The following NUP50 variants were observed in gnomAD, a reference collection of about 807,000 sequenced individuals.
NUP50 encodes the protein nucleoporin 50.
In NUP50, 14 loss-of-function variants were observed where a neutral mutation model predicts 36.8. That is an observed-to-expected ratio of 0.38 (90% CI 0.25 to 0.59). The LOEUF (loss-of-function observed/expected upper bound fraction) is 0.59, where lower values mean the gene tolerates loss of function less well. NUP50 is among the 20% of genes least tolerant of loss of function. The pLI is 0.63. For synonymous variants in NUP50, 195 were observed against 210.8 expected (o/e 0.93, Z 0.65); for missense variants, 455 against 564.6 (o/e 0.81, Z 1.97).
intron 3 of NUP50, among the ~76,000 whole-genome samples, chr22:45,173,284 T>G (rs887430892): frequency 1.2e-4 from 18 of 152,128 alleles, no homozygotes; most frequent in Admixed American, 1.2e-3. Context: ...TATTTTCAGA[T>G]GCATAATACA....
rs376546951 is a variant in NUP50, at chr22:45,184,660, G to A, written c.*5G>A. 9.7e-5 allele frequency: 156 copies of A among 1,608,320 alleles called. No individual in the cohort carries two copies. Among genetic ancestry groups the A allele is most frequent in the Non-Finnish European group, 1.2e-4 (140 of 1,177,032 alleles). Reference sequence around the variant, plus strand: ...CTGGAGAAAAAGGATGCCTGAACACGCAAAGTCGGCTGCAGAATTATTGCC... The same window carrying A: ...CTGGAGAAAAAGGATGCCTGAACACACAAAGTCGGCTGCAGAATTATTGCC... On this transcript the variant is annotated 3_prime_UTR_variant, in exon 8 of 8. Transcript: ENST00000347635.
At chr22:45,179,194 A>G (rs998868131) in intron 5 of NUP50, 2 of 286,638 alleles carry the variant, frequency 7.0e-6, no homozygotes, top group African/African-American at 2.2e-5. Flanking sequence ...CAAGTGAATT[A>G]AAGACGTTTT....
At chr22:45,165,674 G>T (rs1368650206) in intron 1 of NUP50, among the ~76,000 whole-genome samples, 2 of 152,162 alleles carry the variant, frequency 1.3e-5, no homozygotes, top group African/African-American at 2.4e-5. Flanking sequence ...GTAAAAATCT[G>T]GTTTGTAATC....
intron 2 of NUP50, among the ~76,000 whole-genome samples, chr22:45,168,898 ATTTTT>A (rs34675932): frequency 2.3e-5 from 3 of 132,010 alleles, no homozygotes; most frequent in Non-Finnish European, 3.1e-5. Context: ...TATAAAAAAA[ATTTTT>A]TTTTTTTTTT....
At chr22:45,168,887 C>T (rs1601767930) in intron 2 of NUP50, among the ~76,000 whole-genome samples, 2 of 137,702 alleles carry the variant, frequency 1.5e-5, no homozygotes, top group South Asian at 4.8e-4. Flanking sequence ...ATCCCGGTCT[C>T]TATAAAAAAA....
chr22:45,171,110 G>A lies in NUP50; in HGVS notation c.70-490G>A, dbSNP rs1387002183. Reference sequence around the variant, plus strand: ...GGAAGAGCAGTGGTTGTCCAGCAAGGTCCTAGGTGCCTCCGTGGCCTTTCG... The same window carrying A: ...GGAAGAGCAGTGGTTGTCCAGCAAGATCCTAGGTGCCTCCGTGGCCTTTCG... On this transcript the variant is annotated intron_variant, in intron 2 of 7. Coordinates refer to ENST00000347635, the MANE Select transcript of NUP50 (RefSeq NM_007172.4). 74 of 1,280,466 alleles carry A rather than the reference G, an allele frequency of 5.8e-5. 1 individual carries two copies. Among genetic ancestry groups the A allele is most frequent in the Non-Finnish European group, 7.1e-5 (69 of 977,350 alleles). The allele number at this position is 1,280,466 out of a possible 1,614,324, so 79.3% of individuals were successfully genotyped here. A position where few individuals can be genotyped will look rare whatever the true frequency, so the allele number is the denominator to read the frequency against.
chr22:45,166,297 T>C (rs1269799559), intron 1 of NUP50: 7 of 103,412 alleles, frequency 6.8e-5, no homozygotes, highest in Middle Eastern at 5.0e-3. Context: ...TTTTTTTTTT[T>C]TTTTTTTTGA....
At chr22:45,166,333 G>C (rs1242324953) in intron 1 of NUP50, 2 of 141,718 alleles carry the variant, frequency 1.4e-5, no homozygotes, top group Non-Finnish European at 3.0e-5. Flanking sequence ...TGTCACATAG[G>C]CTGGAGTGCA....
chr22:45,177,106 A>G (rs2074288273), intron 4 of NUP50, among the ~76,000 whole-genome samples: 1 of 152,118 alleles, frequency 6.6e-6, no homozygotes, highest in African/African-American at 2.4e-5. Flanking sequence ...ACCCCCTTGG[A>G]TGTTCAAGTC....
At chr22:45,170,620 T>A (rs1445703440) in intron 2 of NUP50, among the ~76,000 whole-genome samples, 2 of 152,202 alleles carry the variant, frequency 1.3e-5, no homozygotes, top group African/African-American at 4.8e-5. Context: ...AGGATGTGAG[T>A]GTTTTGACAG....
In NUP50 at chr22:45,172,882, C is replaced by T. The variant is rs187380019; in HGVS notation, c.153+1199C>T. Reference sequence around the variant, plus strand: ...TAAAAATAAAGTATTCGCAATTTTCCTAAAATATATTACTGTATATACCAA... The same window carrying T: ...TAAAAATAAAGTATTCGCAATTTTCTTAAAATATATTACTGTATATACCAA... On this transcript the variant is annotated intron_variant, in intron 3 of 7. Transcript: ENST00000347635. Among the ~76,000 whole-genome samples the T allele has an allele frequency of 3.4e-3, 521 of 152,218 alleles. 5 individuals are homozygous for T. Among genetic ancestry groups the T allele is most frequent in the Admixed American group, 0.017 (256 of 15,284 alleles).
chr22:45,175,725 C>T, intron 3 of NUP50, 169 bp from the exon 4 acceptor site: 1 of 569,586 alleles, frequency 1.8e-6, no homozygotes, highest in Non-Finnish European at 3.1e-6. Flanking sequence ...CTTATGAATA[C>T]AATCTTCCCA....
In NUP50 at chr22:45,184,908, C is replaced by A. The variant is rs12168191; in HGVS notation, c.*253C>A. The A allele has an allele frequency of 0.037, 18,848 of 505,564 alleles. 1,235 individuals are homozygous for A. The highest frequency in any genetic ancestry group is 0.16 in the East Asian group (4,324 of 27,684). The allele number at this position is 505,564 out of a possible 1,614,324, so 31.3% of individuals were successfully genotyped here. A position where few individuals can be genotyped will look rare whatever the true frequency, so the allele number is the denominator to read the frequency against. On this transcript the variant is annotated 3_prime_UTR_variant, in exon 8 of 8. Transcript: ENST00000347635. ...AATTTTTGGAAGATTTTTTAATGTT[C>A]GTTTATTAAACTAACCCTAAGTGAT...
intron 2 of NUP50, among the ~76,000 whole-genome samples, chr22:45,169,200 C>G (rs921257457): frequency 6.6e-6 from 1 of 152,282 alleles, no homozygotes; most frequent in South Asian, 2.1e-4. Context: ...CCGCACCCAA[C>G]CCCCCAAAAA....
rs556997758 is a variant in NUP50 at position 45,185,010 on chromosome 22, G to A, written c.*355G>A. 3.8e-4 allele frequency: 115 copies of A among 305,364 alleles called. No individual in the cohort carries two copies. Among genetic ancestry groups the A allele is most frequent in the African/African-American group, 2.4e-3 (110 of 45,312 alleles). 18.9% of individuals were successfully genotyped at this position (305,364 alleles called of 1,614,324 possible). A position where few individuals can be genotyped will look rare whatever the true frequency, so the allele number is the denominator to read the frequency against. Reference sequence around the variant, plus strand: ...CAACCCGTGGGTTTTGGGGTCCACCGCCACCACGAGAGAGGCTTTTGAACA... The same window carrying A: ...CAACCCGTGGGTTTTGGGGTCCACCACCACCACGAGAGAGGCTTTTGAACA... On this transcript the variant is annotated 3_prime_UTR_variant, in exon 8 of 8. Transcript: ENST00000347635.
intron 3 of NUP50, among the ~76,000 whole-genome samples, chr22:45,172,635 A>T (rs1282772912): frequency 2.6e-5 from 4 of 152,214 alleles, no homozygotes; most frequent in African/African-American, 9.6e-5. Flanking sequence ...AAGGTGTATC[A>T]TTCACACTTT....
intron 3 of NUP50, among the ~76,000 whole-genome samples, chr22:45,173,217 A>G (rs1159191443): frequency 6.6e-6 from 1 of 152,204 alleles, no homozygotes; most frequent in Non-Finnish European, 1.5e-5. Flanking sequence ...TATTTTGCTT[A>G]AAAATTGTAT....
At chr22:45,165,694 C>T (rs1264379089) in intron 1 of NUP50, among the ~76,000 whole-genome samples, 1 of 152,130 alleles carries the variant, frequency 6.6e-6, no homozygotes, top group Non-Finnish European at 1.5e-5. Context: ...CCAAGTTATT[C>T]TTCTTCCATG....
intron 6 of NUP50, among the ~76,000 whole-genome samples, chr22:45,183,085 C>CGGGGGGG (rs60488848): frequency 1.8e-4 from 21 of 114,156 alleles, no homozygotes; most frequent in Admixed American, 3.7e-4. Context: ...GGGTTGGGGG[C>CGGGGGGG]GGGGGGGGGG....
Sources: gnomAD v4.1 joint callset for allele counts (sites outside exome capture counted in the v4.1 genomes callset) on GRCh38, gnomAD v4.1.1 for gene constraint, MANE v1.5 for transcripts, NCBI Gene and HGNC (gene_info 2026-07-23, HGNC 2026-07-21) for gene names.